Variants in ZMYM4 observed in about 807,000 individuals in gnomAD.
ZMYM4 encodes zinc finger MYM-type containing 4, also known as zinc finger MYM-type protein 4.
ZMYM4 carries 31 observed loss-of-function variants against 183.2 expected under a neutral mutation model. The observed-to-expected ratio is 0.17, with a 90% confidence interval of 0.13 to 0.23. The LOEUF (loss-of-function observed/expected upper bound fraction) is 0.23. Among genes scored for constraint, ZMYM4 ranks in the 10% least tolerant of loss-of-function variants. ZMYM4 has a pLI of 1.00. For synonymous variants in ZMYM4, 592 were observed against 631.2 expected (o/e 0.94, Z 0.93); for missense variants, 1,273 against 1,840.3 (o/e 0.69, Z 5.64).
intron 13 of ZMYM4, among the ~76,000 whole-genome samples, chr1:35,388,570 T>C (rs1326107040): frequency 2.0e-5 from 3 of 152,164 alleles, no homozygotes; most frequent in Admixed American, 1.3e-4. Context: ...TCCTGTCTTA[T>C]ATCATTTAAA....
Position 35,414,100 on chromosome 1 carries a change from T to G in ZMYM4, c.4060+17T>G. ...TTCCTAATGGTAGGGTGATTTTTTT[T>G]TTATTGTTTTCATGATATGCTTTCT... On this transcript the variant is annotated intron_variant, in intron 27 of 29. Transcript: ENST00000314607. 2 of 1,411,486 alleles carry G rather than the reference T, an allele frequency of 1.4e-6. No homozygotes were observed. The highest frequency in any genetic ancestry group is 2.0e-6 in the Non-Finnish European group (2 of 1,023,336). The allele number at this position is 1,411,486 out of a possible 1,614,324, so 87.4% of individuals were successfully genotyped here.
chr1:35,362,515 A>T (rs572996659), intron 5 of ZMYM4, among the ~76,000 whole-genome samples: 1 of 152,346 alleles, frequency 6.6e-6, no homozygotes, highest in Non-Finnish European at 1.5e-5. Context: ...CCAAGGGACG[A>T]ATATGCAATA....
intron 2 of ZMYM4, among the ~76,000 whole-genome samples, chr1:35,355,602 T>G: frequency 6.6e-6 from 1 of 152,184 alleles, no homozygotes; most frequent in East Asian, 1.9e-4. Context: ...TCAGTTTATC[T>G]TTTTATCTTT....
intron 4 of ZMYM4, among the ~76,000 whole-genome samples, 175 bp from the exon 5 acceptor site, chr1:35,361,444 G>A (rs1288835411): frequency 1.2e-4 from 18 of 151,654 alleles, no homozygotes; most frequent in Admixed American, 1.2e-3. Context: ...GTCTTTATTT[G>A]TATTTGGTAT....
chr1:35,269,002 C>T lies in ZMYM4; in HGVS notation c.-45C>T. 1 of 1,518,030 alleles carries T rather than the reference C, an allele frequency of 6.6e-7. No individual in the cohort carries two copies. 94.0% of individuals were successfully genotyped at this position (1,518,030 alleles called of 1,614,324 possible). ...GGGGCCGGGGGGCCGAGAGGTACCG[C>T]CGCCACCGCGCGGGGAGCCGCAGCG... On this transcript the variant is annotated 5_prime_UTR_variant, in exon 1 of 30. Coordinates refer to ENST00000314607, the MANE Select transcript of ZMYM4 (RefSeq NM_005095.3).
chr1:35,412,902 A>G (rs971090537), intron 26 of ZMYM4, among the ~76,000 whole-genome samples: 16 of 152,256 alleles, frequency 1.1e-4, no homozygotes, highest in African/African-American at 3.1e-4. Context: ...GCAAGAAACC[A>G]AGATAGCCAC....
In ZMYM4 at chr1:35,379,699, A is replaced by G. The variant is rs557937490; in HGVS notation, c.1182-1560A>G. Among the ~76,000 whole-genome samples the G allele has an allele frequency of 4.6e-5, 7 of 152,362 alleles. No homozygotes were observed. The East Asian group carries it at 7.7e-4, about 17-fold the overall frequency. ...AGTAATCATTTCTAGCTTTTGATTT[A>G]TAGTGAGAAATGTGGGACTCTTACT... On this transcript the variant is annotated intron_variant, in intron 7 of 29. Coordinates refer to ENST00000314607, the MANE Select transcript of ZMYM4 (RefSeq NM_005095.3).
intron 2 of ZMYM4, 86 bp from the exon 3 acceptor site, chr1:35,358,839 T>A: frequency 8.6e-7 from 1 of 1,162,174 alleles, no homozygotes; most frequent in Non-Finnish European, 1.2e-6. Context: ...TGAAAAAATA[T>A]TTATTTGGTT....
intron 1 of ZMYM4, among the ~76,000 whole-genome samples, chr1:35,310,899 A>G (rs59428832): frequency 0.094 from 14,361 of 152,030 alleles, 1,840 homozygotes; most frequent in African/African-American, 0.29. Context: ...TTTCTAATTC[A>G]CACGAGTATG....
rs978113129 is a variant in ZMYM4, at chr1:35,268,827, C to G, written c.-220C>G. The G allele has an allele frequency of 2.5e-6, 1 of 397,776 alleles. No homozygotes were observed. The highest frequency in any genetic ancestry group is 2.1e-5 in the African/African-American group (1 of 47,532). 24.6% of individuals were successfully genotyped at this position (397,776 alleles called of 1,614,324 possible). On this transcript the variant is annotated 5_prime_UTR_variant, in exon 1 of 30. Coordinates refer to ENST00000314607, the MANE Select transcript of ZMYM4 (RefSeq NM_005095.3). ...CCGAGTCCCGGCCCCCACCCCGTCC[C>G]CGGGCAGGCCCTCCCGCCCACGCGC...
chr1:35,352,269 G>GCA (rs56011152), intron 2 of ZMYM4, among the ~76,000 whole-genome samples: 88 of 124,582 alleles, frequency 7.1e-4, no homozygotes, highest in East Asian at 3.4e-3. Flanking sequence ...ACGCGCGCGC[G>GCA]CACACACACA....
rs148996872 is a variant in ZMYM4 at position 35,328,880 on chromosome 1, C to T, written c.85+3475C>T. Among the ~76,000 whole-genome samples the T allele has an allele frequency of 3.6e-3, 545 of 152,060 alleles. 4 individuals carry two copies. Among genetic ancestry groups the T allele is most frequent in the African/African-American group, 0.013 (522 of 41,484 alleles). ...TCCCATTTTGTCTTGGGATTCATGT[C>T]TAGAAAAAAAGATTAACTGTATCTC... On this transcript the variant is annotated intron_variant, in intron 2 of 29. Coordinates refer to ENST00000314607, the MANE Select transcript of ZMYM4 (RefSeq NM_005095.3).
chr1:35,374,124 G>A (rs1025710078), intron 7 of ZMYM4, among the ~76,000 whole-genome samples: 7 of 143,358 alleles, frequency 4.9e-5, no homozygotes, highest in Non-Finnish European at 9.1e-5. Context: ...CTCCACCTCC[G>A]GGGTTCAAGT....
intron 1 of ZMYM4, among the ~76,000 whole-genome samples, chr1:35,318,152 G>T (rs572681492): frequency 4.3e-5 from 6 of 138,066 alleles, no homozygotes; most frequent in African/African-American, 1.7e-4. Flanking sequence ...TCTGCCTCCC[G>T]GGTTCAAGTG....
Position 35,359,221 on chromosome 1 carries a change from A to G in ZMYM4, c.382A>G (p.Ile128Val). Residue 128 changes from isoleucine (I) to valine (V), a missense_variant, in exon 3 of 30, where the codon ATA (isoleucine) becomes GTA (valine). By Grantham distance (29) the Ile-to-Val change is conservative. This residue lies in a region of ZMYM4 where 384 missense variants were observed against 465.6 expected (regional missense o/e 0.82). Coordinates refer to ENST00000314607, the MANE Select transcript of ZMYM4 (RefSeq NM_005095.3). ...GCATGAATCAGACAATGAAAATGAA[A>G]TACAAATTCAAAATAAGTTAAAAAA... ...TQHESDNENEIQIQNKLKKDF... is the reference protein window; with the variant it reads ...TQHESDNENEVQIQNKLKKDF... The G allele has an allele frequency of 2.5e-6, 4 of 1,610,954 alleles. No homozygotes were observed. The highest frequency in any genetic ancestry group is 2.5e-6 in the Non-Finnish European group (3 of 1,178,768).
intron 7 of ZMYM4, among the ~76,000 whole-genome samples, chr1:35,371,504 G>C (rs1644213525): frequency 6.6e-6 from 1 of 152,092 alleles, no homozygotes; most frequent in African/African-American, 2.4e-5. Flanking sequence ...TCTTATGACT[G>C]TAATAAGGTC....
At chr1:35,398,748 A>C in intron 21 of ZMYM4, 116 bp from the exon 22 acceptor site, 1 of 1,031,430 alleles carries the variant, frequency 9.7e-7, no homozygotes, top group Non-Finnish European at 1.4e-6. Context: ...GTACCTAGGT[A>C]ATTGTCCATC....
In ZMYM4 at chr1:35,405,365, C is replaced by T. The variant is rs758648444; in HGVS notation, c.3701-8C>T. 2.1e-5 allele frequency: 33 copies of T among 1,596,714 alleles called. No homozygotes were observed. Among genetic ancestry groups the T allele is most frequent in the Non-Finnish European group, 2.8e-5 (33 of 1,175,724 alleles). ...TAAACTTTTCTTTTATGTTTCTCTC[C>T]TTGTCAGGGGTTGAACAGGCCTCAT... On this transcript the variant is annotated splice_region_variant and splice_polypyrimidine_tract_variant and intron_variant, in intron 24 of 29. Transcript: ENST00000314607.
Position 35,381,611 on chromosome 1 carries a change from G to A in ZMYM4, c.1422G>A (p.Lys474=). The part of the protein sequence containing the change: ...HKLCSDACFS[K]FRSANNLTMN... ...TTTGCAGTGATGCCTGCTTCTCTAAGTTTCGTTCTGCTAACAACCTCACCA... is the reference window on the plus strand; with the variant it reads ...TTTGCAGTGATGCCTGCTTCTCTAAATTTCGTTCTGCTAACAACCTCACCA... The change falls in exon 9 of 30, where the codon AAG becomes AAA. Residue 474 remains lysine (K), a synonymous_variant. Coordinates refer to ENST00000314607, the MANE Select transcript of ZMYM4 (RefSeq NM_005095.3). 6.2e-7 allele frequency: 1 copy of A among 1,614,206 alleles called. No homozygotes were observed. Among genetic ancestry groups the A allele is most frequent in the South Asian group, 1.1e-5 (1 of 91,088 alleles).
Sources: allele counts gnomAD v4.1 joint callset (sites outside exome capture counted in the v4.1 genomes callset), GRCh38; gene constraint gnomAD v4.1.1; regional missense constraint gnomAD v4.1.1; transcripts MANE v1.5; gene names NCBI Gene and HGNC (gene_info 2026-07-23, HGNC 2026-07-21).